CPN1: variants seen among roughly 807,000 people sequenced by gnomAD.
CPN1 encodes the protein carboxypeptidase N subunit 1.
A neutral mutation model predicts 46.4 loss-of-function variants in CPN1; 37 were observed. That is an observed-to-expected ratio of 0.80 (90% CI 0.61 to 1.05). The LOEUF (loss-of-function observed/expected upper bound fraction) is 1.05, where lower values mean the gene tolerates loss of function less well. Ranked by LOEUF, CPN1 falls within the 50% of genes least tolerant of loss-of-function variation. CPN1 has a pLI of 0.00. For synonymous variants in CPN1, 224 were observed against 235.4 expected, an observed-to-expected ratio of 0.95 and a Z score of 0.44; for missense variants, 563 against 602.6, an observed-to-expected ratio of 0.93 and a Z score of 0.69.
At position 100,065,385 on chromosome 10, in the gene CPN1, G is replaced by C; in HGVS notation, c.577-15C>G. On this transcript the variant is annotated splice_polypyrimidine_tract_variant and intron_variant, in intron 3 of 8. Coordinates refer to ENST00000370418, the MANE Select transcript of CPN1 (RefSeq NM_001308.3). ...TCGGGTTCCACCTGGGAGGAGGCGA[G>C]AGGTTGGCGGTGAAGGGCCAACTGG... 6.2e-7 allele frequency: 1 copy of C among 1,614,000 alleles called. No homozygotes were observed. Among genetic ancestry groups the C allele is most frequent in the South Asian group, 1.1e-5 (1 of 91,062 alleles).
At chr10:100,060,601 C>T (rs1327166222) in intron 5 of CPN1, among the ~76,000 whole-genome samples, 1 of 152,078 alleles carries the variant, frequency 6.6e-6, no homozygotes, top group Non-Finnish European at 1.5e-5. Context: ...TTATCACTTA[C>T]TTTTTAAGCT....
intron 2 of CPN1, among the ~76,000 whole-genome samples, chr10:100,072,991 C>T (rs1388984624): frequency 3.9e-5 from 6 of 152,122 alleles, no homozygotes; most frequent in African/African-American, 1.4e-4. Flanking sequence ...GAATGGATGC[C>T]GGGAAGCTAC....
Position 100,057,120 on chromosome 10 carries a change from A to G in CPN1, c.904T>C (p.Cys302Arg). The change falls in exon 6 of 9, where the codon TGC (cysteine) becomes CGC (arginine). Residue 302 changes from cysteine to arginine, a missense_variant. Transcript: ENST00000370418. ...MQDFNYLHTN[C>R]FEITLELSCD... ...CTCAGTTCCAGCGTGATCTCAAAGC[A>G]GTTGGTATGGAGATAATTAAAGTCT... 1.2e-6 allele frequency: 2 copies of G among 1,614,182 alleles called. No homozygotes were observed. The highest frequency in any genetic ancestry group is 1.1e-5 in the South Asian group (1 of 91,084).
At chr10:100,061,700 G>C (rs2041419538) in intron 5 of CPN1, among the ~76,000 whole-genome samples, 1 of 152,146 alleles carries the variant, frequency 6.6e-6, no homozygotes, top group Admixed American at 6.6e-5. Context: ...GAGGGAGAGG[G>C]AGGAGAGAGA....
chr10:100,073,537 C>T (rs1418412645), intron 2 of CPN1, among the ~76,000 whole-genome samples: 1 of 151,126 alleles, frequency 6.6e-6, no homozygotes, highest in Admixed American at 6.6e-5. Flanking sequence ...AAGACTAAAA[C>T]GGGTCTCACA....
intron 6 of CPN1, 76 bp downstream of exon 6, chr10:100,056,937 C>G: frequency 6.3e-7 from 1 of 1,588,000 alleles, no homozygotes; most frequent in Non-Finnish European, 8.6e-7. Context: ...CAGACCTGAA[C>G]CAGTGAAACA....
chr10:100,072,989 G>A (rs929555088), intron 2 of CPN1, among the ~76,000 whole-genome samples: 1 of 152,186 alleles, frequency 6.6e-6, no homozygotes, highest in Non-Finnish European at 1.5e-5. Flanking sequence ...ATGAATGGAT[G>A]CCGGGAAGCT....
rs938726447 is a variant in CPN1, at chr10:100,044,127, C to T, written c.1231-1554G>A. ...CCTCTCTGTAGGGTTATTTCCTGCC[C>T]CTTCCGCAAAAATTGATAGCCAGTT... On this transcript the variant is annotated intron_variant, in intron 8 of 8. Transcript: ENST00000370418. Among the ~76,000 whole-genome samples, 6 of 152,088 alleles carry T rather than the reference C, an allele frequency of 3.9e-5. No individual in the cohort carries two copies. In the South Asian group the frequency reaches 8.3e-4, roughly 21 times the overall value.
At position 100,069,792 on chromosome 10, in the gene CPN1, G is replaced by C. The variant is rs1385822093; in HGVS notation, c.498C>G (p.Leu166=). ...GVDLNRNFPD[L]NTYIYYNEKY... Reference sequence around the variant, plus strand: ...TCTCGTTATAGTAGATATAGGTATTGAGATCAGGGAAGTTGCGGTTCAGGT... The same window carrying C: ...TCTCGTTATAGTAGATATAGGTATTCAGATCAGGGAAGTTGCGGTTCAGGT... The change falls in exon 3 of 9, where the codon CTC becomes CTG. Residue 166 remains leucine, a synonymous_variant. Coordinates refer to ENST00000370418, the MANE Select transcript of CPN1 (RefSeq NM_001308.3). 1.2e-6 allele frequency: 2 copies of C among 1,613,796 alleles called. No individual in the cohort carries two copies. The highest frequency in any genetic ancestry group is 2.7e-5 in the African/African-American group (2 of 74,826).
intron 6 of CPN1, among the ~76,000 whole-genome samples, chr10:100,055,250 T>A (rs548091821): frequency 8.7e-4 from 131 of 151,390 alleles, no homozygotes; most frequent in African/African-American, 3.1e-3. Flanking sequence ...AAAAAAAAAA[T>A]TTGTAATGTT....
Position 100,046,472 on chromosome 10 carries a change from C to CA in CPN1, c.1230+2285dup, listed in dbSNP as rs565293925. On this transcript the variant is annotated intron_variant, in intron 8 of 8. Transcript: ENST00000370418. ...GGGCTACACAGAGAACCCGTCTCTA[C>CA]AAAAAATAACAAAAATTAGGCCAGG... Among the ~76,000 whole-genome samples the CA allele has an allele frequency of 8.8e-4, 134 of 152,080 alleles. 1 individual carries two copies. Among genetic ancestry groups the CA allele is most frequent in the African/African-American group, 3.1e-3 (129 of 41,510 alleles).
chr10:100,054,841 C>CTTTTTTT (rs56250435), intron 6 of CPN1, among the ~76,000 whole-genome samples: 2 of 132,740 alleles, frequency 1.5e-5, no homozygotes, highest in Admixed American at 7.5e-5. Context: ...TTCTTTCTTT[C>CTTTTTTT]TTTTTTTTTT....
chr10:100,056,918 A>G, intron 6 of CPN1, 95 bp downstream of exon 6: 1 of 1,508,404 alleles, frequency 6.6e-7, no homozygotes, highest in East Asian at 2.3e-5. Flanking sequence ...ACTGAGTCAG[A>G]GCAAAAGTCA....
chr10:100,060,676 T>A (rs2041411545), intron 5 of CPN1, among the ~76,000 whole-genome samples: 2 of 152,256 alleles, frequency 1.3e-5, no homozygotes, highest in African/African-American at 2.4e-5. Context: ...TACAGCCTAT[T>A]AAATTGGCTC....
chr10:100,045,552 A>G (rs1015605116), intron 8 of CPN1, among the ~76,000 whole-genome samples: 3 of 152,218 alleles, frequency 2.0e-5, no homozygotes, highest in African/African-American at 4.8e-5. Flanking sequence ...TTGTGTTACA[A>G]TAAGGAGCTA....
At position 100,057,029 on chromosome 10, in the gene CPN1, A is replaced by G; in HGVS notation, c.995T>C (p.Ile332Thr). ...AGATTTTACCTGTTCCAGGAACTGG[A>G]TTAGGGCTTCCCGATTACCCAGCCA... ...REWLGNREAL[I>T]QFLEQVHQGI... The change falls in exon 6 of 9, where the codon ATC (isoleucine) becomes ACC (threonine). Residue 332 changes from isoleucine (I) to threonine (T), a missense_variant. By Grantham distance (89) the Ile-to-Thr change is moderately conservative. Transcript: ENST00000370418. 6.2e-7 allele frequency: 1 copy of G among 1,614,146 alleles called. No individual in the cohort carries two copies. Among genetic ancestry groups the G allele is most frequent in the Non-Finnish European group, 8.5e-7 (1 of 1,180,014 alleles).
chr10:100,060,389 C>T (rs144518404), intron 5 of CPN1, among the ~76,000 whole-genome samples: 4,690 of 152,024 alleles, frequency 0.031, 105 homozygotes, highest in Middle Eastern at 0.073. Context: ...TGGTGAAACC[C>T]CGTCCCTACT....
chr10:100,053,398 G>C (rs1046605882), intron 7 of CPN1, among the ~76,000 whole-genome samples: 4 of 152,082 alleles, frequency 2.6e-5, no homozygotes, highest in African/African-American at 9.7e-5. Flanking sequence ...TAGTACTTTG[G>C]GAGGCTTTTG....
intron 8 of CPN1, among the ~76,000 whole-genome samples, chr10:100,044,076 T>TA (rs2041294526): frequency 6.6e-6 from 1 of 152,044 alleles, no homozygotes; most frequent in Admixed American, 6.6e-5. Flanking sequence ...AGCTGGGAGT[T>TA]AAAAAACATG....
Sources: allele counts gnomAD v4.1 joint callset (sites outside exome capture counted in the v4.1 genomes callset), GRCh38; gene constraint gnomAD v4.1.1; transcripts MANE v1.5; gene names NCBI Gene and HGNC (gene_info 2026-07-23, HGNC 2026-07-21).